MYRIP: variants seen among roughly 807,000 people sequenced by gnomAD.
MYRIP encodes the protein rab effector MyRIP.
Under a neutral mutation model 98.0 loss-of-function variants are expected in MYRIP, and 49 were observed. That is an observed-to-expected ratio of 0.50 (90% CI 0.40 to 0.63). MYRIP has a LOEUF of 0.63. Among genes scored for constraint, MYRIP ranks in the 30% least tolerant of loss-of-function variants. The pLI, the probability that MYRIP is intolerant of heterozygous loss-of-function variation, is 0.00. For missense variants in MYRIP, 1,004 were observed against 1,058.2 expected (o/e 0.95, Z 0.71); for synonymous variants, 404 against 409.5 (o/e 0.99, Z 0.16).
intron 2 of MYRIP, among the ~76,000 whole-genome samples, chr3:39,935,039 AT>A (rs1944626869): frequency 6.6e-6 from 1 of 152,174 alleles, no homozygotes; most frequent in Non-Finnish European, 1.5e-5. Context: ...TTTCTCAGGA[AT>A]TAACTCATGT....
At chr3:39,934,235 A>C (rs897744221) in intron 2 of MYRIP, among the ~76,000 whole-genome samples, 4 of 149,432 alleles carry the variant, frequency 2.7e-5, no homozygotes, top group African/African-American at 9.7e-5. Flanking sequence ...TCCTGTGCCT[A>C]AAAGTACAGG....
chr3:40,086,753 A>T (rs951344211), intron 3 of MYRIP, among the ~76,000 whole-genome samples: 12 of 152,152 alleles, frequency 7.9e-5, no homozygotes, highest in Non-Finnish European at 1.8e-4. Context: ...AGGAATAAAC[A>T]AGGTAACCCA....
At chr3:40,077,927 G>A (rs1374469873) in intron 3 of MYRIP, among the ~76,000 whole-genome samples, 1 of 151,858 alleles carries the variant, frequency 6.6e-6, no homozygotes, top group Non-Finnish European at 1.5e-5. Flanking sequence ...CCCTGCGCCC[G>A]CACTCCTCAG....
intron 1 of MYRIP, among the ~76,000 whole-genome samples, chr3:39,843,974 C>T (rs1217400987): frequency 6.6e-6 from 1 of 152,174 alleles, no homozygotes; most frequent in Non-Finnish European, 1.5e-5. Flanking sequence ...TGTATGAAGA[C>T]TCATTGAACA....
At chr3:39,848,574 A>C (rs1029917912) in intron 1 of MYRIP, among the ~76,000 whole-genome samples, 7 of 152,228 alleles carry the variant, frequency 4.6e-5, no homozygotes, top group Admixed American at 3.9e-4. Flanking sequence ...ACTGCTAAGA[A>C]TATCTGCATG....
At chr3:40,009,898 C>T (rs886504234) in intron 2 of MYRIP, among the ~76,000 whole-genome samples, 3 of 152,176 alleles carry the variant, frequency 2.0e-5, no homozygotes, top group African/African-American at 7.2e-5. Context: ...CTGAGGTCAG[C>T]GAGTTGAAAT....
At position 40,054,352 on chromosome 3, in the gene MYRIP, T is replaced by C. The variant is rs573884541; in HGVS notation, c.332+10081T>C. 6.9e-4 allele frequency among the ~76,000 whole-genome samples: 105 copies of C among 152,228 alleles called. 1 individual carries two copies. Among genetic ancestry groups the C allele is most frequent in the Middle Eastern group, 6.8e-3 (2 of 294 alleles). Reference sequence around the variant, plus strand: ...ACAATATCTGAGCATTTAGGATACATTTATAGCCTGATCACCATAGGTTTT... The same window carrying C: ...ACAATATCTGAGCATTTAGGATACACTTATAGCCTGATCACCATAGGTTTT... On this transcript the variant is annotated intron_variant, in intron 3 of 16. Transcript: ENST00000302541.
chr3:39,963,671 A>G (rs1945376259), intron 2 of MYRIP, among the ~76,000 whole-genome samples: 1 of 152,182 alleles, frequency 6.6e-6, no homozygotes, highest in Non-Finnish European at 1.5e-5. Context: ...AAGATGCCAG[A>G]AAGTTGATAT....
chr3:39,993,110 G>C (rs1000378054), intron 2 of MYRIP, among the ~76,000 whole-genome samples: 5 of 152,118 alleles, frequency 3.3e-5, no homozygotes, highest in Non-Finnish European at 5.9e-5. Flanking sequence ...TGAGGGGTCA[G>C]CATCTGGTAA....
chr3:39,857,662 C>A (rs1942345049), intron 1 of MYRIP, among the ~76,000 whole-genome samples: 1 of 152,062 alleles, frequency 6.6e-6, no homozygotes, highest in Admixed American at 6.5e-5. Context: ...AAAAAACAAA[C>A]ATATTAAGCA....
chr3:40,092,632 A>G (rs1248879938), intron 3 of MYRIP, among the ~76,000 whole-genome samples: 1 of 152,196 alleles, frequency 6.6e-6, no homozygotes, highest in Non-Finnish European at 1.5e-5. Context: ...TAAGTATGTC[A>G]TATACATTAG....
intron 3 of MYRIP, among the ~76,000 whole-genome samples, chr3:40,083,785 C>T (rs940662507): frequency 1.3e-5 from 2 of 152,070 alleles, no homozygotes; most frequent in African/African-American, 4.8e-5. Context: ...GAAAGAAAAG[C>T]ATGGTCAACT....
intron 3 of MYRIP, among the ~76,000 whole-genome samples, chr3:40,103,452 T>C (rs1399522893): frequency 1.3e-5 from 2 of 152,174 alleles, no homozygotes; most frequent in Non-Finnish European, 2.9e-5. Context: ...TTTGTTTGTA[T>C]TGTGAAGATA....
chr3:40,244,618 T>A lies in MYRIP; in HGVS notation c.2262+11T>A. 1 of 1,606,348 alleles carries A rather than the reference T, an allele frequency of 6.2e-7. No individual in the cohort carries two copies. Among genetic ancestry groups the A allele is most frequent in the Non-Finnish European group, 8.5e-7 (1 of 1,176,390 alleles). On this transcript the variant is annotated intron_variant, in intron 13 of 16. Transcript: ENST00000302541. ...CATGCTGAACTCCAGGTGAGAACTCTCCTCTCTGCCCACATGGGTCCTGCA... is the reference window on the plus strand; with the variant it reads ...CATGCTGAACTCCAGGTGAGAACTCACCTCTCTGCCCACATGGGTCCTGCA...
At position 40,166,879 on chromosome 3, in the gene MYRIP, T is replaced by A. The variant is rs530820987; in HGVS notation, c.584T>A (p.Leu195Gln). Residue 195 changes from leucine (L) to glutamine (Q), a missense_variant, in exon 6 of 17, where the codon CTA (leucine) becomes CAA (glutamine). Physicochemically the swap from Leu to Gln is moderately radical, Grantham distance 113 (BLOSUM62 -2). Around this residue, in one of 3 missense-constraint regions of MYRIP, gnomAD observed 880 missense variants for 907.7 expected, o/e 0.97. Transcript: ENST00000302541. The part of the protein sequence containing the change: ...HSVMDTLAVA[L>Q]RVAEEAIEEA... Reference sequence around the variant, plus strand: ...GTGATGGACACCTTGGCTGTGGCCCTACGGGTGGCTGAAGAGGCCATTGAG... The same window carrying A: ...GTGATGGACACCTTGGCTGTGGCCCAACGGGTGGCTGAAGAGGCCATTGAG... 6 of 1,614,026 alleles carry A rather than the reference T, an allele frequency of 3.7e-6. No individual in the cohort carries two copies. Among genetic ancestry groups the A allele is most frequent in the Non-Finnish European group, 5.1e-6 (6 of 1,179,910 alleles).
At chr3:39,930,392 C>T (rs12635229) in intron 2 of MYRIP, among the ~76,000 whole-genome samples, 56,331 of 151,628 alleles carry the variant, frequency 0.37, 10,767 homozygotes, top group East Asian at 0.46. Flanking sequence ...ATTTGGGTTA[C>T]TTGTCTTTTT....
At chr3:39,996,042 T>A (rs1946343581) in intron 2 of MYRIP, among the ~76,000 whole-genome samples, 1 of 151,972 alleles carries the variant, frequency 6.6e-6, no homozygotes, top group Non-Finnish European at 1.5e-5. Context: ...GCACTAAACA[T>A]GGAAAAGAAC....
intron 2 of MYRIP, among the ~76,000 whole-genome samples, chr3:39,919,277 T>C (rs890211249): frequency 6.6e-6 from 1 of 152,212 alleles, no homozygotes; most frequent in African/African-American, 2.4e-5. Flanking sequence ...GGAGACTACC[T>C]GGGTGCCCCT....
intron 2 of MYRIP, among the ~76,000 whole-genome samples, chr3:39,953,422 T>C (rs974863297): frequency 1.3e-5 from 2 of 152,256 alleles, no homozygotes; most frequent in Non-Finnish European, 2.9e-5. Context: ...TCAGATATCC[T>C]GCCTTACAGT....
Sources: allele counts gnomAD v4.1 joint callset (sites outside exome capture counted in the v4.1 genomes callset), GRCh38; gene constraint gnomAD v4.1.1; regional missense constraint gnomAD v4.1.1; transcripts MANE v1.5; gene names NCBI Gene and HGNC (gene_info 2026-07-23, HGNC 2026-07-21).